The following TTN variants were observed in gnomAD, a reference collection of about 807,000 sequenced individuals.
The protein encoded by TTN is connectin.
Under a neutral mutation model 3,223.0 loss-of-function variants are expected in TTN, and 1,525 were observed. The ratio of observed to expected loss-of-function variants is 0.47; its 90% CI spans 0.45 to 0.49. The LOEUF (loss-of-function observed/expected upper bound fraction) is 0.49. TTN is among the 20% of genes least tolerant of loss of function. The pLI is 0.00. For missense variants in TTN, 40,786 were observed against 43,424.0 expected (o/e 0.94, Z 5.40); for synonymous variants, 14,094 against 15,161.0 (o/e 0.93, Z 5.17).
At chr2:178,789,906 A>G (rs1014762993) in intron 12 of TTN, 72 bp downstream of exon 12, 23 of 1,589,026 alleles carry the variant, frequency 1.4e-5, no homozygotes, top group East Asian at 1.1e-4. Context: ...AATTCATACC[A>G]TATTGTAGTT....
Position 178,607,003 on chromosome 2 carries a change from T to A in TTN, c.53581+18A>T. The A allele has an allele frequency of 1.9e-6, 3 of 1,599,014 alleles. No individual in the cohort carries two copies. The highest frequency in any genetic ancestry group is 1.1e-5 in the South Asian group (1 of 87,542). ...GCAAAACATTACTCTATAAACACAA[T>A]GAAACCTTCTCTTTTACCTAGTGGA... On this transcript the variant is annotated intron_variant, in intron 278 of 362. Transcript: ENST00000589042.
rs201247592 is a variant in TTN, at chr2:178,585,090, T to C, written c.64654A>G (p.Ile21552Val). 5.1e-5 allele frequency: 82 copies of C among 1,605,362 alleles called. No individual in the cohort carries two copies. In the African/African-American group the frequency reaches 9.7e-4, roughly 19 times the overall value. The change falls in exon 309 of 363, where the codon ATC (isoleucine) becomes GTC (valine). Residue 21552 changes from isoleucine (I) to valine (V), a missense_variant. By Grantham distance (29) the Ile-to-Val change is conservative. Coordinates refer to ENST00000589042, the MANE Select transcript of TTN (RefSeq NM_001267550.2). The stretch of plus-strand genomic sequence containing the variant: ...AACTTACCCATGACTACAACTTTGA[T>C]TTTCTGAGTGTCTGTCCCAGAACTG... ...ENSSGTDTQK[I>V]KVVVMDAPGP...
intron 278 of TTN, 34 bp downstream of exon 278, chr2:178,606,987 T>C: frequency 6.3e-7 from 1 of 1,579,940 alleles, no homozygotes; most frequent in South Asian, 1.2e-5. Flanking sequence ...AGCAAAACAT[T>C]ACTCTATAAA....
chr2:178,688,946 A>G (rs1056912060), intron 125 of TTN, 107 bp downstream of exon 125: 2 of 1,243,938 alleles, frequency 1.6e-6, no homozygotes, highest in African/African-American at 1.5e-5. Context: ...AAGTGAGACA[A>G]TGGATCAGTA....
At chr2:178,603,170 C>A (rs1442245969) in intron 282 of TTN, among the ~76,000 whole-genome samples, 1 of 151,914 alleles carries the variant, frequency 6.6e-6, no homozygotes, top group Non-Finnish European at 1.5e-5. Context: ...GATCCTTGCA[C>A]AAAGCACATG....
Position 178,641,264 on chromosome 2 carries a change from A to G in TTN, c.40610T>C (p.Leu13537Pro). The G allele has an allele frequency of 6.6e-7, 1 of 1,511,704 alleles. No individual in the cohort carries two copies. The highest frequency in any genetic ancestry group is 8.8e-7 in the Non-Finnish European group (1 of 1,131,756). The allele number at this position is 1,511,704 out of a possible 1,614,324, so 93.6% of individuals were successfully genotyped here. Residue 13537 changes from leucine (L) to proline (P), a missense_variant, in exon 220 of 363, where the codon CTA (leucine) becomes CCA (proline). Leu to Pro is a moderately conservative substitution (Grantham distance 98). Transcript: ENST00000589042. Reference protein sequence around the residue: ...EEEPKVEPKKLEKVKKPAVPE... With the variant: ...EEEPKVEPKKPEKVKKPAVPE... ...ACCTGCAGGTTTTTTAACTTTTTCT[A>G]GTTTTTTAGGTTCTACTTTAGGTTC...
chr2:178,677,572 G>A, intron 146 of TTN, 49 bp downstream of exon 146: 1 of 1,531,750 alleles, frequency 6.5e-7, no homozygotes, highest in Non-Finnish European at 8.8e-7. Flanking sequence ...TGGGAAAGCA[G>A]AATTCAACAC....
rs752141195 is a variant in TTN, at chr2:178,631,129, C to G, written c.43919G>C (p.Arg14640Pro). The G allele has an allele frequency of 5.6e-6, 9 of 1,613,142 alleles. No homozygotes were observed. The highest frequency in any genetic ancestry group is 3.3e-5 in the South Asian group (3 of 91,072). ...NAVIKADGKK[R>P]MLILKKALKS... ...CAAGGCTTTCTTTAGGATTAGCATGCGTTTCTTGCCATCTGCCTTAATAAC... is the reference window on the plus strand; with the variant it reads ...CAAGGCTTTCTTTAGGATTAGCATGGGTTTCTTGCCATCTGCCTTAATAAC... Residue 14640 changes from arginine (R) to proline (P), a missense_variant, in exon 237 of 363, where the codon CGC becomes CCC. Arg to Pro is a moderately radical substitution (Grantham distance 103). Coordinates refer to ENST00000589042, the MANE Select transcript of TTN (RefSeq NM_001267550.2).
rs901197333 is a variant in TTN at position 178,694,856 on chromosome 2, C to T, written c.31321G>A (p.Glu10441Lys). ...EKIEKTSRRM[E>K]EEKVQVTKVP... ...TTGGTGACTTGAACTTTTTCTTCCT[C>T]CATTCTTCGAGAAGTCTTTTCAATT... Residue 10441 changes from glutamate (E) to lysine (K), a missense_variant, in exon 116 of 363, where the codon GAG becomes AAG. Coordinates refer to ENST00000589042, the MANE Select transcript of TTN (RefSeq NM_001267550.2). 2.4e-5 allele frequency: 37 copies of T among 1,559,976 alleles called. No homozygotes were observed. The highest frequency in any genetic ancestry group is 3.2e-5 in the Non-Finnish European group (37 of 1,150,308).
At position 178,701,189 on chromosome 2, in the gene TTN, C is replaced by A. The variant is rs1401930169; in HGVS notation, c.30613G>T (p.Val10205Phe). The change falls in exon 111 of 363, where the codon GTT becomes TTT. Residue 10205 changes from valine to phenylalanine, a missense_variant. Physicochemically the swap from Val to Phe is conservative, Grantham distance 50 (BLOSUM62 -1). Transcript: ENST00000589042. ...AVPPEEIPPV[V>F]APPIPLLLPT... ...AGCAAAAGGGGGATAGGAGGAGCAA[C>A]CACAGGAGGGATTTCTGAAGAAAAT... is the stretch of plus-strand genomic sequence containing the variant. 1 of 1,609,440 alleles carries A rather than the reference C, an allele frequency of 6.2e-7. No homozygotes were observed. Among genetic ancestry groups the A allele is most frequent in the Non-Finnish European group, 8.5e-7 (1 of 1,178,628 alleles).
Position 178,717,797 on chromosome 2 carries a change from T to C in TTN, c.25077A>G (p.Pro8359=), listed in dbSNP as rs1306440265. 2.5e-6 allele frequency: 4 copies of C among 1,606,966 alleles called. No individual in the cohort carries two copies. The African/African-American group carries it at 5.4e-5, about 22-fold the overall frequency. Residue 8359 remains proline, a synonymous_variant, in exon 87 of 363, where the codon CCA becomes CCG. Transcript: ENST00000589042. ...CTTTCAGTTTTCTTGCAAAGAAAGG[T>C]GGAAGTTTGCGCGCTGTAAAGAAGT... The part of the protein sequence containing the change: ...AVLVIKARKL[P]PFFARKLKDV...
chr2:178,632,894 A>C, intron 234 of TTN, 24 bp downstream of exon 234: 1 of 1,611,630 alleles, frequency 6.2e-7, no homozygotes, highest in Non-Finnish European at 8.5e-7. Flanking sequence ...AAATACAAAA[A>C]CGTGGCTGAC....
intron 153 of TTN, 26 bp downstream of exon 153, chr2:178,672,609 A>T (rs929966138): frequency 6.2e-7 from 1 of 1,611,178 alleles, no homozygotes; most frequent in Non-Finnish European, 8.5e-7. Context: ...CAGAAGAGGA[A>T]GTCAGGTTTA....
chr2:178,766,431 T>C lies in TTN; in HGVS notation c.9653A>G (p.Tyr3218Cys). The change falls in exon 41 of 363, where the codon TAC becomes TGC. Residue 3218 changes from tyrosine (Y) to cysteine (C), a missense_variant. By Grantham distance (194) the Tyr-to-Cys change is radical. Transcript: ENST00000589042. ...SETRQSDAGE[Y>C]TFVAGRNRSS... is the part of the protein sequence containing the mutation. ...CCTGTTCCTTCCTGCCACAAAGGTG[T>C]ATTCTCCTGCATCGCTCTGTCTGGT... is the stretch of plus-strand genomic sequence containing the variant. 6.2e-7 allele frequency: 1 copy of C among 1,614,162 alleles called. No individual in the cohort carries two copies. The highest frequency in any genetic ancestry group is 1.7e-5 in the Admixed American group (1 of 60,022).
At chr2:178,641,355 C>T (rs1279266839) in intron 219 of TTN, 40 bp from the exon 220 acceptor site, 3 of 1,172,108 alleles carry the variant, frequency 2.6e-6, no homozygotes, top group South Asian at 3.0e-5. Flanking sequence ...CCAAGACAAA[C>T]TAATGAAGAT....
At chr2:178,745,451 C>A in intron 47 of TTN, 1 of 1,487,442 alleles carries the variant, frequency 6.7e-7, no homozygotes, top group South Asian at 1.3e-5. Context: ...GAGATTATTT[C>A]TTTAGGGGTC....
chr2:178,604,152 T>C lies in TTN; in HGVS notation c.54535A>G (p.Thr18179Ala). The C allele has an allele frequency of 1.9e-6, 3 of 1,612,320 alleles. No individual in the cohort carries two copies. The highest frequency in any genetic ancestry group is 2.5e-6 in the Non-Finnish European group (3 of 1,178,972). Residue 18179 changes from threonine (T) to alanine (A), a missense_variant, in exon 282 of 363, where the codon ACC becomes GCC. Thr to Ala is a moderately conservative substitution (Grantham distance 58, BLOSUM62 0). Transcript: ENST00000589042. ...PPGKPKVLAR[T>A]KGSMLVSWTP... Reference sequence around the variant, plus strand: ...CAGCTCACTAGCATTGATCCTTTGGTGCGTGCCAAAACTTTTGGTTTTCCT... The same window carrying C: ...CAGCTCACTAGCATTGATCCTTTGGCGCGTGCCAAAACTTTTGGTTTTCCT...
chr2:178,546,147 A>G, intron 342 of TTN, 31 bp from the exon 343 acceptor site: 1 of 1,588,828 alleles, frequency 6.3e-7, no homozygotes, highest in Non-Finnish European at 8.6e-7. Flanking sequence ...AGCCATGATG[A>G]AGATCATTCT....
intron 1 of TTN, among the ~76,000 whole-genome samples, chr2:178,806,326 T>G (rs759881384): frequency 4.6e-5 from 7 of 152,226 alleles, no homozygotes; most frequent in Non-Finnish European, 8.8e-5. Context: ...ATAGAATACC[T>G]AATTATATAT....
Sources: allele counts gnomAD v4.1 joint callset (sites outside exome capture counted in the v4.1 genomes callset), GRCh38; gene constraint gnomAD v4.1.1; transcripts MANE v1.5; gene names NCBI Gene and HGNC (gene_info 2026-07-23, HGNC 2026-07-21).